The following CA10 variants were observed in gnomAD, a reference collection of about 807,000 sequenced individuals.
CA10 encodes the protein carbonic anhydrase-related protein 10.
CA10 carries 14 observed loss-of-function variants against 44.2 expected under a neutral mutation model. The observed-to-expected ratio is 0.32, with a 90% confidence interval of 0.21 to 0.50. The LOEUF is 0.50. CA10 is among the 20% of genes least tolerant of loss of function. CA10 has a pLI of 0.99. For synonymous variants in CA10, 159 were observed against 141.6 expected, an observed-to-expected ratio of 1.12 and a Z score of -0.87; for missense variants, 350 against 409.7, an observed-to-expected ratio of 0.85 and a Z score of 1.26.
At chr17:51,757,365 G>T (rs142516631) in intron 3 of CA10, among the ~76,000 whole-genome samples, 14 of 152,178 alleles carry the variant, frequency 9.2e-5, no homozygotes, top group African/African-American at 3.1e-4. Context: ...ACTTAGGGGC[G>T]TATGGATTCT....
At chr17:51,849,176 CATATATGTATATATATAT>C (rs1567860259) in intron 3 of CA10, among the ~76,000 whole-genome samples, 24 of 78,070 alleles carry the variant, frequency 3.1e-4, no homozygotes, top group African/African-American at 1.2e-3. Flanking sequence ...TATATATATA[CATATATGTATATATATAT>C]ATACATATAT....
At chr17:51,742,046 A>G (rs1904483412) in intron 4 of CA10, among the ~76,000 whole-genome samples, 1 of 152,208 alleles carries the variant, frequency 6.6e-6, no homozygotes, top group African/African-American at 2.4e-5. Context: ...GACTTGGTCC[A>G]CAGGGTATGG....
intron 3 of CA10, among the ~76,000 whole-genome samples, chr17:51,830,077 A>C (rs1267690474): frequency 1.3e-5 from 2 of 151,708 alleles, no homozygotes; most frequent in African/African-American, 4.8e-5. Flanking sequence ...CATGCCTGTC[A>C]TCCCAGCTAC....
intron 1 of CA10, among the ~76,000 whole-genome samples, chr17:52,120,251 A>G (rs1236362395): frequency 6.6e-6 from 1 of 152,124 alleles, no homozygotes; most frequent in Non-Finnish European, 1.5e-5. Flanking sequence ...CCTTCAGGCC[A>G]TCAAACTCCA....
intron 8 of CA10, 38 bp from the exon 9 acceptor site, chr17:51,631,644 C>T: frequency 1.3e-6 from 2 of 1,558,344 alleles, no homozygotes; most frequent in Non-Finnish European, 8.8e-7. Flanking sequence ...ATCACACATA[C>T]AACATAAAAC....
intron 2 of CA10, among the ~76,000 whole-genome samples, chr17:51,978,604 A>G (rs1273709079): frequency 1.3e-5 from 2 of 152,090 alleles, no homozygotes; most frequent in Admixed American, 6.6e-5. Context: ...GTACAAAAAG[A>G]TCTTTTTGGT....
intron 6 of CA10, among the ~76,000 whole-genome samples, chr17:51,637,402 C>G (rs11871657): frequency 0.44 from 66,418 of 152,006 alleles, 15,477 homozygotes; most frequent in Admixed American, 0.52. Context: ...CTAGAGGTAT[C>G]ACATCCCCAG....
intron 4 of CA10, among the ~76,000 whole-genome samples, chr17:51,713,591 A>G (rs532118723): frequency 1.4e-4 from 21 of 152,322 alleles, no homozygotes; most frequent in African/African-American, 4.6e-4. Context: ...TACTTACTAG[A>G]GCAAAGGGTA....
intron 3 of CA10, among the ~76,000 whole-genome samples, chr17:51,831,701 A>AGCGGCAGCG (rs1567854601): frequency 3.3e-4 from 28 of 84,840 alleles, no homozygotes; most frequent in South Asian, 3.1e-3. Context: ...CAGCAGCAGC[A>AGCGGCAGCG]GCAGCAGCAG....
At chr17:51,751,358 T>C (rs1904883804) in intron 3 of CA10, among the ~76,000 whole-genome samples, 1 of 152,218 alleles carries the variant, frequency 6.6e-6, no homozygotes, top group Admixed American at 6.5e-5. Context: ...GTGATGGTTG[T>C]ACAACAATAT....
At chr17:52,004,831 C>G (rs1052527625) in intron 2 of CA10, among the ~76,000 whole-genome samples, 3 of 151,806 alleles carry the variant, frequency 2.0e-5, no homozygotes, top group Non-Finnish European at 2.9e-5. Flanking sequence ...CCAATCCCAT[C>G]CTCTAATGCA....
At chr17:51,763,925 TC>T (rs1459325421) in intron 3 of CA10, among the ~76,000 whole-genome samples, 1 of 151,612 alleles carries the variant, frequency 6.6e-6, no homozygotes, top group Non-Finnish European at 1.5e-5. Context: ...CTCCTCTCTG[TC>T]CCCCAGACAT....
At chr17:51,895,647 T>TA (rs1470812873) in intron 3 of CA10, among the ~76,000 whole-genome samples, 1 of 152,008 alleles carries the variant, frequency 6.6e-6, no homozygotes, top group Non-Finnish European at 1.5e-5. Context: ...AGGCACAAAG[T>TA]AAAAAATTAA....
In CA10 at chr17:51,821,204, G is replaced by A. The variant is rs541880161; in HGVS notation, c.280-73386C>T. ...AGTGCTGGATATTCAGGTGCTAGAT[G>A]CTGGGTAGATGAAACCAAATGAAAA... On this transcript the variant is annotated intron_variant, in intron 3 of 8. Coordinates refer to ENST00000451037, the MANE Select transcript of CA10 (RefSeq NM_020178.5). Among the ~76,000 whole-genome samples, 4 of 146,458 alleles carry A rather than the reference G, an allele frequency of 2.7e-5. No individual in the cohort carries two copies. In the South Asian group the frequency reaches 8.9e-4, roughly 33 times the overall value.
At chr17:52,015,535 T>G (rs1378907108) in intron 2 of CA10, among the ~76,000 whole-genome samples, 1 of 152,018 alleles carries the variant, frequency 6.6e-6, no homozygotes, top group African/African-American at 2.4e-5. Context: ...TTATCCAAAT[T>G]GAAAACTAAG....
intron 3 of CA10, among the ~76,000 whole-genome samples, chr17:51,851,689 C>T (rs1481663091): frequency 6.6e-6 from 1 of 152,158 alleles, no homozygotes; most frequent in Non-Finnish European, 1.5e-5. Context: ...ACATATCACC[C>T]TTTGTCTAGT....
intron 3 of CA10, among the ~76,000 whole-genome samples, chr17:51,789,265 G>A (rs191051814): frequency 1.8e-4 from 28 of 151,372 alleles, no homozygotes; most frequent in Middle Eastern, 3.4e-3. Flanking sequence ...ATCCACCCAC[G>A]CTGGCCTCCC....
intron 3 of CA10, among the ~76,000 whole-genome samples, chr17:51,788,302 C>A (rs1280444490): frequency 6.6e-6 from 1 of 152,072 alleles, no homozygotes; most frequent in Non-Finnish European, 1.5e-5. Flanking sequence ...CTATTATGAC[C>A]AGAGAAGATG....
intron 3 of CA10, among the ~76,000 whole-genome samples, chr17:51,754,285 A>AGTGTGTGTGTGTGT (rs60269292): frequency 7.1e-6 from 1 of 140,900 alleles, no homozygotes; most frequent in South Asian, 2.4e-4. Flanking sequence ...GAAACAGAAT[A>AGTGTGTGTGTGTGT]GTGTGTGTGT....
Sources: gnomAD v4.1 joint callset for allele counts (sites outside exome capture counted in the v4.1 genomes callset) on GRCh38, gnomAD v4.1.1 for gene constraint, MANE v1.5 for transcripts, NCBI Gene and HGNC (gene_info 2026-07-23, HGNC 2026-07-21) for gene names.